Variants in ANO1 observed in about 807,000 individuals in gnomAD.
ANO1 encodes the protein anoctamin 1, also known as anoctamin-1.
In ANO1, 59 loss-of-function variants were observed where a neutral mutation model predicts 124.0. The ratio of observed to expected loss-of-function variants is 0.48; its 90% CI spans 0.39 to 0.59. ANO1 has a LOEUF of 0.59. Among genes scored for constraint, ANO1 ranks in the 20% least tolerant of loss-of-function variants. The pLI, the probability that ANO1 is intolerant of heterozygous loss-of-function variation, is 0.00. For missense variants in ANO1, 1,059 were observed against 1,328.0 expected, an observed-to-expected ratio of 0.80 and a Z score of 3.15; for synonymous variants, 529 against 532.0, an observed-to-expected ratio of 0.99 and a Z score of 0.08.
intron 19 of ANO1, chr11:70,163,710 G>T: frequency 2.1e-6 from 1 of 482,578 alleles, no homozygotes; most frequent in South Asian, 2.8e-5. Context: ...GCCGAGACTC[G>T]TGGATCACCT....
chr11:70,028,939 G>A (rs1208975144), intron 1 of ANO1, among the ~76,000 whole-genome samples: 2 of 152,028 alleles, frequency 1.3e-5, no homozygotes, highest in Non-Finnish European at 1.5e-5. Context: ...CCACCATCAC[G>A]CCTGGCTAAT....
intron 1 of ANO1, among the ~76,000 whole-genome samples, chr11:69,991,045 A>G (rs1221468150): frequency 6.6e-6 from 1 of 152,190 alleles, no homozygotes; most frequent in Non-Finnish European, 1.5e-5. Flanking sequence ...GCCAAATTCA[A>G]GGTTGCAATG....
intron 3 of ANO1, among the ~76,000 whole-genome samples, chr11:70,103,399 C>A (rs766387198): frequency 3.0e-4 from 45 of 152,224 alleles, no homozygotes; most frequent in Middle Eastern, 6.8e-3. Flanking sequence ...AGACCCCAGA[C>A]CAAACCCCAC....
chr11:69,985,894 G>A (rs924193990), upstream of ANO1: 1 of 152,284 alleles, frequency 6.6e-6, no homozygotes, highest in Non-Finnish European at 1.5e-5. Context: ...CGAGGGGGAG[G>A]AGCGGCGCGG....
chr11:70,029,718 G>C (rs541083464), intron 1 of ANO1, among the ~76,000 whole-genome samples: 41 of 152,318 alleles, frequency 2.7e-4, no homozygotes, highest in Admixed American at 2.1e-3. Flanking sequence ...CACGGTTCTG[G>C]AGGTGAGAAG....
intron 12 of ANO1, 92 bp downstream of exon 12, chr11:70,149,884 C>A (rs759241620): frequency 6.3e-6 from 9 of 1,419,438 alleles, no homozygotes; most frequent in Non-Finnish European, 8.8e-6. Context: ...GGCCCGAGGT[C>A]AGAAAGCACT....
chr11:70,142,972 G>A (rs1457422347), intron 11 of ANO1, among the ~76,000 whole-genome samples: 1 of 152,196 alleles, frequency 6.6e-6, no homozygotes, highest in Non-Finnish European at 1.5e-5. Context: ...CACCTGGGGG[G>A]TCAGGGCTTC....
At position 70,097,818 on chromosome 11, in the gene ANO1, C is replaced by T. The variant is rs147362013; in HGVS notation, c.442-5248C>T. Among the ~76,000 whole-genome samples, 383 of 152,332 alleles carry T rather than the reference C, an allele frequency of 2.5e-3. 1 individual carries two copies. Among genetic ancestry groups the T allele is most frequent in the African/African-American group, 8.9e-3 (371 of 41,568 alleles). On this transcript the variant is annotated intron_variant, in intron 2 of 25. Coordinates refer to ENST00000355303, the MANE Select transcript of ANO1 (RefSeq NM_018043.7). ...CCTCACTCAGTGGACATCACTGAGC[C>T]TCTGCTCTGTGGCCACTGCTGTTCC... is the stretch of plus-strand genomic sequence containing the variant.
chr11:70,029,827 G>A (rs553120376), intron 1 of ANO1, among the ~76,000 whole-genome samples: 6 of 152,308 alleles, frequency 3.9e-5, no homozygotes, highest in African/African-American at 1.4e-4. Context: ...GCGTTCCTCA[G>A]CTTGAGCTGC....
upstream of ANO1, among the ~76,000 whole-genome samples, chr11:69,985,458 C>T (rs1167423148): frequency 6.6e-6 from 1 of 152,200 alleles, no homozygotes; most frequent in Non-Finnish European, 1.5e-5. Flanking sequence ...GACAAATTGA[C>T]AGTGATTCGT....
intron 1 of ANO1, among the ~76,000 whole-genome samples, chr11:70,046,704 G>C (rs1291456004): frequency 2.6e-5 from 4 of 152,048 alleles, no homozygotes; most frequent in Admixed American, 6.6e-5. Context: ...GGCTCTTGGA[G>C]GGGCTCTTCT....
intron 1 of ANO1, among the ~76,000 whole-genome samples, chr11:69,986,506 C>T (rs1220294106): frequency 6.6e-5 from 10 of 152,288 alleles, no homozygotes; most frequent in African/African-American, 1.7e-4. Context: ...CCAGGCTGTT[C>T]CCAATCCCGG....
Position 70,088,075 on chromosome 11 carries a change from G to T in ANO1, c.432G>T (p.Arg144=). ...NLLEAGLELE[R]DEDTKIHGVG... ...TGGAGGCGGGCCTGGAGCTGGAGCGGGACGAGGACGTAACTATCTCACTGC... is the reference window on the plus strand; with the variant it reads ...TGGAGGCGGGCCTGGAGCTGGAGCGTGACGAGGACGTAACTATCTCACTGC... The change falls in exon 2 of 26, where the codon CGG becomes CGT. Residue 144 remains arginine, a synonymous_variant. Transcript: ENST00000355303. The T allele has an allele frequency of 1.6e-6, 2 of 1,267,730 alleles. No homozygotes were observed. The highest frequency in any genetic ancestry group is 2.0e-6 in the Non-Finnish European group (2 of 989,948). The allele number at this position is 1,267,730 out of a possible 1,614,324, so 78.5% of individuals were successfully genotyped here. A position where few individuals can be genotyped will look rare whatever the true frequency, so the allele number is the denominator to read the frequency against.
At chr11:70,059,489 T>C (rs1275259938) in intron 1 of ANO1, among the ~76,000 whole-genome samples, 1 of 151,416 alleles carries the variant, frequency 6.6e-6, no homozygotes, top group African/African-American at 2.4e-5. Context: ...CCTTGACCCA[T>C]CCGATGAAGG....
At chr11:69,978,340 T>C in the ANO1 span, among the ~76,000 whole-genome samples, 2 of 152,064 alleles carry the variant, frequency 1.3e-5, no homozygotes, top group Non-Finnish European at 2.9e-5. Flanking sequence ...TCTGTGTTTT[T>C]TCTTGTTTTT....
rs190154053 is a variant in ANO1 at position 70,010,228 on chromosome 11, T to C, written c.58+24062T>C. Among the ~76,000 whole-genome samples the C allele has an allele frequency of 3.0e-3, 443 of 146,492 alleles. 6 individuals are homozygous for C. The highest frequency in any genetic ancestry group is 0.011 in the African/African-American group (426 of 39,468). On this transcript the variant is annotated intron_variant, in intron 1 of 27. Transcript: ENST00000531349. ...TTTTCTTTATCCACTCATCAGTTGA[T>C]GGGCATTTAGGCTGGTTTCATATTT...
At chr11:70,059,789 A>C (rs1857530219) in intron 1 of ANO1, among the ~76,000 whole-genome samples, 1 of 152,172 alleles carries the variant, frequency 6.6e-6, no homozygotes, top group Non-Finnish European at 1.5e-5. Flanking sequence ...TGAGGCAAGA[A>C]GAATGAATTT....
intron 1 of ANO1, among the ~76,000 whole-genome samples, chr11:70,045,688 T>C (rs979725760): frequency 6.6e-6 from 1 of 152,038 alleles, no homozygotes; most frequent in African/African-American, 2.4e-5. Context: ...GGGAAGATCT[T>C]CACTTTCCAA....
At chr11:70,169,869 G>A (rs955962123) in intron 21 of ANO1, 1 of 231,160 alleles carries the variant, frequency 4.3e-6, no homozygotes, top group Non-Finnish European at 8.8e-6. Context: ...TGGCTTCCTT[G>A]TTTACCGCCT....
Sources: allele counts gnomAD v4.1 joint callset (sites outside exome capture counted in the v4.1 genomes callset), GRCh38; gene constraint gnomAD v4.1.1; transcripts MANE v1.5; gene names NCBI Gene and HGNC (gene_info 2026-07-23, HGNC 2026-07-21).